Variants in SPAG16 observed in about 807,000 individuals in gnomAD.
SPAG16 encodes the protein sperm-associated antigen 16 protein.
A neutral mutation model predicts 80.4 loss-of-function variants in SPAG16; 86 were observed. That is an observed-to-expected ratio of 1.07 (90% CI 0.90 to 1.28). The LOEUF (loss-of-function observed/expected upper bound fraction) is 1.28. Ranked by LOEUF, SPAG16 falls within the 50% of genes most tolerant of loss-of-function variation. SPAG16 has a pLI of 0.00. For missense variants in SPAG16, 870 were observed against 765.3 expected, an observed-to-expected ratio of 1.14 and a Z score of -1.61; for synonymous variants, 294 against 265.9, an observed-to-expected ratio of 1.11 and a Z score of -1.03.
chr2:213,672,881 C>T (rs529786820), intron 10 of SPAG16, among the ~76,000 whole-genome samples: 15 of 127,630 alleles, frequency 1.2e-4, no homozygotes, highest in Non-Finnish European at 2.1e-4. Flanking sequence ...TTTTTTGAGA[C>T]GGAGTCTTGC....
chr2:213,883,921 T>C (rs1489303148), intron 11 of SPAG16, among the ~76,000 whole-genome samples: 2 of 152,218 alleles, frequency 1.3e-5, no homozygotes. Flanking sequence ...GATATATCTC[T>C]TGAAGACAGC....
intron 10 of SPAG16, among the ~76,000 whole-genome samples, chr2:213,681,729 A>G (rs1460974685): frequency 6.6e-6 from 1 of 152,308 alleles, no homozygotes; most frequent in Middle Eastern, 3.4e-3. Flanking sequence ...AAATATGCAT[A>G]GCAAAATACC....
rs867308265 is a variant in SPAG16 at position 213,332,632 on chromosome 2, A to C, written c.537-7531A>C. Among the ~76,000 whole-genome samples, 5 of 152,290 alleles carry C rather than the reference A, an allele frequency of 3.3e-5. No homozygotes were observed. The South Asian group carries it at 1.0e-3, about 32-fold the overall frequency. Reference sequence around the variant, plus strand: ...TGTTGATTCAAAAATCAACAAAAATACCAGCCAGCGGAATTCAACAATATA... The same window carrying C: ...TGTTGATTCAAAAATCAACAAAAATCCCAGCCAGCGGAATTCAACAATATA... On this transcript the variant is annotated intron_variant, in intron 5 of 15. Coordinates refer to ENST00000331683, the MANE Select transcript of SPAG16 (RefSeq NM_024532.5).
chr2:213,924,340 G>A (rs1317532215), intron 11 of SPAG16, among the ~76,000 whole-genome samples: 1 of 152,182 alleles, frequency 6.6e-6, no homozygotes, highest in Non-Finnish European at 1.5e-5. Context: ...TCTCTGCAGA[G>A]AGCATGAATC....
intron 13 of SPAG16, among the ~76,000 whole-genome samples, chr2:214,066,358 C>G (rs1424966976): frequency 6.6e-6 from 1 of 152,118 alleles, no homozygotes; most frequent in East Asian, 1.9e-4. Flanking sequence ...TGTTATCAGT[C>G]AAAACCCTTC....
chr2:213,586,374 C>G (rs1034992251), intron 10 of SPAG16, among the ~76,000 whole-genome samples: 1 of 152,134 alleles, frequency 6.6e-6, no homozygotes, highest in Non-Finnish European at 1.5e-5. Flanking sequence ...CCTTTTGGCA[C>G]GGTAGAAGGG....
intron 10 of SPAG16, among the ~76,000 whole-genome samples, chr2:213,699,861 A>G (rs902214758): frequency 6.6e-6 from 1 of 152,180 alleles, no homozygotes; most frequent in Non-Finnish European, 1.5e-5. Flanking sequence ...CCTTGAAGTC[A>G]TCAGTAAAGC....
intron 15 of SPAG16, among the ~76,000 whole-genome samples, chr2:214,184,928 T>C (rs144507440): frequency 6.6e-6 from 1 of 152,256 alleles, no homozygotes; most frequent in East Asian, 1.9e-4. Context: ...ATGAAAATTT[T>C]GTCTTTAAAA....
chr2:213,940,028 A>G (rs940967231), intron 12 of SPAG16, among the ~76,000 whole-genome samples: 3 of 152,202 alleles, frequency 2.0e-5, no homozygotes, highest in African/African-American at 4.8e-5. Flanking sequence ...TTTCTTATCT[A>G]CAAATTCAAG....
At chr2:213,482,277 A>T (rs934797197) in intron 9 of SPAG16, among the ~76,000 whole-genome samples, 1 of 152,224 alleles carries the variant, frequency 6.6e-6, no homozygotes, top group Non-Finnish European at 1.5e-5. Context: ...GCTTGCCCCC[A>T]TGTTGCTTTT....
intron 10 of SPAG16, among the ~76,000 whole-genome samples, chr2:213,566,771 C>A (rs1559262076): frequency 4.6e-5 from 7 of 152,248 alleles, no homozygotes; most frequent in South Asian, 2.1e-4. Flanking sequence ...GAAAACTGCC[C>A]TTTCCCAGAG....
chr2:214,359,765 A>C (rs2126067438), intron 15 of SPAG16, among the ~76,000 whole-genome samples: 1 of 152,034 alleles, frequency 6.6e-6, no homozygotes, highest in African/African-American at 2.4e-5. Context: ...TGTATTAAGG[A>C]AAATGTAGTG....
chr2:213,920,443 A>C (rs554582184), intron 11 of SPAG16, among the ~76,000 whole-genome samples: 4 of 152,178 alleles, frequency 2.6e-5, no homozygotes, highest in Non-Finnish European at 5.9e-5. Flanking sequence ...GGTAAAACCC[A>C]CCCACGTACA....
chr2:214,322,417 T>C (rs1696160587), intron 15 of SPAG16, among the ~76,000 whole-genome samples: 1 of 151,838 alleles, frequency 6.6e-6, no homozygotes, highest in Non-Finnish European at 1.5e-5. Context: ...GTTAAATAAA[T>C]TGATTGTTTT....
intron 13 of SPAG16, among the ~76,000 whole-genome samples, chr2:214,092,751 T>G (rs1018410074): frequency 7.2e-5 from 11 of 151,976 alleles, no homozygotes; most frequent in African/African-American, 2.7e-4. Context: ...AAATTGCAAT[T>G]TCCATTTCTG....
intron 10 of SPAG16, among the ~76,000 whole-genome samples, chr2:213,707,640 C>T (rs181366906): frequency 6.6e-6 from 1 of 152,050 alleles, no homozygotes; most frequent in East Asian, 1.9e-4. Flanking sequence ...GCCTCATTGC[C>T]TATCATGTGC....
At chr2:214,158,575 T>G (rs923606105) in intron 15 of SPAG16, among the ~76,000 whole-genome samples, 1 of 152,048 alleles carries the variant, frequency 6.6e-6, no homozygotes, top group Non-Finnish European at 1.5e-5. Context: ...CCTGACTCAT[T>G]CTGATTAAAT....
intron 15 of SPAG16, 33 bp from the exon 16 acceptor site, chr2:214,410,107 A>ATT (rs1702216943): frequency 1.9e-6 from 3 of 1,604,276 alleles, no homozygotes; most frequent in Non-Finnish European, 2.6e-6. Context: ...ACTTTGATTC[A>ATT]TTCTCTCTCT....
chr2:213,747,958 C>CAT, intron 10 of SPAG16, among the ~76,000 whole-genome samples: 1 of 152,302 alleles, frequency 6.6e-6, no homozygotes, highest in South Asian at 2.1e-4. Flanking sequence ...CTTTGCTTTC[C>CAT]ATATAAAACT....
Sources: gnomAD v4.1 joint callset for allele counts (sites outside exome capture counted in the v4.1 genomes callset) on GRCh38, gnomAD v4.1.1 for gene constraint, MANE v1.5 for transcripts, NCBI Gene and HGNC (gene_info 2026-07-23, HGNC 2026-07-21) for gene names.